Variants in ALPK2 observed in about 807,000 individuals in gnomAD.
The protein encoded by ALPK2 is alpha-protein kinase 2.
Under a neutral mutation model 163.1 loss-of-function variants are expected in ALPK2, and 127 were observed. That is an observed-to-expected ratio of 0.78 (90% confidence interval 0.67 to 0.90). The LOEUF (loss-of-function observed/expected upper bound fraction) is 0.90, where lower values mean the gene tolerates loss of function less well. Ranked by LOEUF, ALPK2 falls within the 40% of genes least tolerant of loss-of-function variation. The pLI, the probability that ALPK2 is intolerant of heterozygous loss-of-function variation, is 0.00. For synonymous variants in ALPK2, 953 were observed against 959.1 expected (o/e 0.99, Z 0.12); for missense variants, 2,360 against 2,589.6 (o/e 0.91, Z 1.92).
intron 1 of ALPK2, among the ~76,000 whole-genome samples, chr18:58,621,488 G>A (rs1196947531): frequency 1.3e-5 from 2 of 152,096 alleles, no homozygotes; most frequent in East Asian, 1.9e-4. Context: ...AGCCAGGATG[G>A]TCTCGATCTC....
In ALPK2 at chr18:58,532,086, A is replaced by C. The variant is rs138264303; in HGVS notation, c.5353+2748T>G. 2.6e-4 allele frequency among the ~76,000 whole-genome samples: 40 copies of C among 152,180 alleles called. No individual in the cohort carries two copies. In the East Asian group the frequency reaches 7.1e-3, roughly 27 times the overall value. On this transcript the variant is annotated intron_variant, in intron 5 of 12. Coordinates refer to ENST00000361673, the MANE Select transcript of ALPK2 (RefSeq NM_052947.4). Reference sequence around the variant, plus strand: ...TTGATTCGTATGGATTAGTGCCCACAGTGGATTCATATTAGATAAATATTC... The same window carrying C: ...TTGATTCGTATGGATTAGTGCCCACCGTGGATTCATATTAGATAAATATTC...
chr18:58,515,808 A>G (rs531864120), intron 9 of ALPK2, among the ~76,000 whole-genome samples: 33 of 152,348 alleles, frequency 2.2e-4, no homozygotes, highest in Admixed American at 1.2e-3. Flanking sequence ...ATGGATTTTA[A>G]TATTTTAAAT....
rs183447696 is a variant in ALPK2, at chr18:58,483,399, A to G, written c.6297-1360T>C. On this transcript the variant is annotated intron_variant, in intron 12 of 12. Transcript: ENST00000361673. ...CTGTGATCCTGCACTGTCTGGCTGC[A>G]TCTCCCAACCCATTGACCTCTTCAG... Among the ~76,000 whole-genome samples, 263 of 152,308 alleles carry G rather than the reference A, an allele frequency of 1.7e-3. 1 individual carries two copies. Among genetic ancestry groups the G allele is most frequent in the African/African-American group, 5.9e-3 (245 of 41,570 alleles).
Position 58,611,787 on chromosome 18 carries a change from G to T in ALPK2, c.11C>A (p.Ser4Tyr). 6.3e-7 allele frequency: 1 copy of T among 1,591,438 alleles called. No homozygotes were observed. The highest frequency in any genetic ancestry group is 8.5e-7 in the Non-Finnish European group (1 of 1,171,700). ...CAGCGGGGGCCTCTGGGGCCCTTCG[G>T]AGTCTTTCATCCTTTCATGCCGCAC... MKD[S>Y]EGPQRPPLCF... Residue 4 changes from serine to tyrosine, a missense_variant, in exon 2 of 13, where the codon TCC (serine) becomes TAC (tyrosine). By Grantham distance (144) the Ser-to-Tyr change is moderately radical. Transcript: ENST00000361673.
At position 58,523,800 on chromosome 18, in the gene ALPK2, A is replaced by G. The variant is rs779160048; in HGVS notation, c.5665+6T>C. On this transcript the variant is annotated splice_donor_region_variant and intron_variant, in intron 8 of 12. Transcript: ENST00000361673. ...TCCTCTGGCAGGTCAACCCTAACTG[A>G]CTTACCTTTAGTATCCTGGCGACTT... 2 of 1,614,086 alleles carry G rather than the reference A, an allele frequency of 1.2e-6. No individual in the cohort carries two copies. The highest frequency in any genetic ancestry group is 2.2e-5 in the South Asian group (2 of 91,068).
chr18:58,548,023 A>G (rs745557860), intron 4 of ALPK2, among the ~76,000 whole-genome samples: 1 of 152,244 alleles, frequency 6.6e-6, no homozygotes, highest in Non-Finnish European at 1.5e-5. Context: ...TGCAATGACA[A>G]TAATACATTA....
At chr18:58,562,742 G>A (rs1003475438) in intron 4 of ALPK2, among the ~76,000 whole-genome samples, 1 of 152,202 alleles carries the variant, frequency 6.6e-6, no homozygotes, top group Non-Finnish European at 1.5e-5. Flanking sequence ...TCTAGTTATG[G>A]AAGCTGGGAA....
chr18:58,556,189 A>ACACACACACACG (rs903787089), intron 4 of ALPK2, among the ~76,000 whole-genome samples: 135 of 151,966 alleles, frequency 8.9e-4, no homozygotes, highest in African/African-American at 3.1e-3. Context: ...ACACACACGC[A>ACACACACACACG]CACACAATTC....
intron 3 of ALPK2, among the ~76,000 whole-genome samples, chr18:58,593,184 C>T (rs192149116): frequency 7.9e-5 from 12 of 152,072 alleles, no homozygotes; most frequent in East Asian, 3.9e-4. Flanking sequence ...TGTACCATGC[C>T]GGACAGAGGG....
chr18:58,626,708 T>C (rs1011845568), intron 1 of ALPK2, among the ~76,000 whole-genome samples: 6 of 152,214 alleles, frequency 3.9e-5, no homozygotes, highest in African/African-American at 1.4e-4. Flanking sequence ...TTTTTTCTTA[T>C]TTATCATAGA....
chr18:58,491,721 T>C (rs1042848959), intron 12 of ALPK2, among the ~76,000 whole-genome samples: 1 of 152,234 alleles, frequency 6.6e-6, no homozygotes, highest in Non-Finnish European at 1.5e-5. Flanking sequence ...GCTGGCCCTA[T>C]GTGAATTAAA....
intron 3 of ALPK2, among the ~76,000 whole-genome samples, chr18:58,598,968 G>A (rs147729936): frequency 2.6e-3 from 396 of 152,250 alleles, no homozygotes; most frequent in African/African-American, 7.9e-3. Flanking sequence ...CTTTCAGAAC[G>A]TGTCCAACTT....
At chr18:58,602,639 G>T (rs938696333) in intron 3 of ALPK2, among the ~76,000 whole-genome samples, 2 of 152,156 alleles carry the variant, frequency 1.3e-5, no homozygotes, top group African/African-American at 4.8e-5. Flanking sequence ...GACCCACCCT[G>T]TCAGAGGTGT....
Position 58,611,820 on chromosome 18 carries a change from GAAAA to G in ALPK2, c.-20-7_-20-4del. 9.4e-7 allele frequency: 1 copy of G among 1,069,138 alleles called. No individual in the cohort carries two copies. The highest frequency in any genetic ancestry group is 3.0e-5 in the East Asian group (1 of 32,860). The allele number at this position is 1,069,138 out of a possible 1,614,324, so 66.2% of individuals were successfully genotyped here. A position where few individuals can be genotyped will look rare whatever the true frequency, so the allele number is the denominator to read the frequency against. On this transcript the variant is annotated splice_region_variant and splice_polypyrimidine_tract_variant and intron_variant, in intron 1 of 12. Transcript: ENST00000361673. ...CATCCTTTCATGCCGCACCAAATCT[GAAAA>G]AAAAAAAAATCCCCGACATCACCAT... is the stretch of plus-strand genomic sequence containing the variant.
chr18:58,484,406 CG>C (rs2051328103), intron 12 of ALPK2, among the ~76,000 whole-genome samples: 1 of 152,090 alleles, frequency 6.6e-6, no homozygotes, highest in African/African-American at 2.4e-5. Flanking sequence ...ATGATGAATA[CG>C]ATGCAGGGGA....
chr18:58,568,070 G>A (rs976424975), intron 4 of ALPK2, among the ~76,000 whole-genome samples: 1 of 152,176 alleles, frequency 6.6e-6, no homozygotes, highest in African/African-American at 2.4e-5. Flanking sequence ...GTCCAAGTGA[G>A]TTTCCCGGGC....
At position 58,482,002 on chromosome 18, in the gene ALPK2, TGAA is replaced by T; in HGVS notation, c.6331_6333del (p.Phe2111del). 6.2e-7 allele frequency: 1 copy of T among 1,614,210 alleles called. No individual in the cohort carries two copies. Among genetic ancestry groups the T allele is most frequent in the Non-Finnish European group, 8.5e-7 (1 of 1,180,036 alleles). On this transcript the variant is annotated inframe_deletion, in exon 13 of 13. Coordinates refer to ENST00000361673, the MANE Select transcript of ALPK2 (RefSeq NM_052947.4). ...TGGTGTAGTGCTTTAAACTGATCAA[TGAA>T]GGTCATGGAACAGTTGCCTTTAAAT... is the stretch of plus-strand genomic sequence containing the variant.
intron 4 of ALPK2, among the ~76,000 whole-genome samples, chr18:58,562,712 A>AATAAG (rs1229246095): frequency 6.6e-6 from 1 of 152,208 alleles, no homozygotes; most frequent in East Asian, 1.9e-4. Flanking sequence ...GGGTGGCTTA[A>AATAAG]ATAAGAGACA....
chr18:58,516,533 T>C (rs1351811855), intron 9 of ALPK2, among the ~76,000 whole-genome samples: 1 of 152,104 alleles, frequency 6.6e-6, no homozygotes, highest in Non-Finnish European at 1.5e-5. Context: ...CTAGTGCTGA[T>C]GTTATCTGTT....
Sources: gnomAD v4.1 joint callset for allele counts (sites outside exome capture counted in the v4.1 genomes callset) on GRCh38, gnomAD v4.1.1 for gene constraint, MANE v1.5 for transcripts, NCBI Gene and HGNC (gene_info 2026-07-23, HGNC 2026-07-21) for gene names.